ICAM1: variants seen among roughly 807,000 people sequenced by gnomAD.
The protein encoded by ICAM1 is intercellular adhesion molecule 1.
In ICAM1, 28 loss-of-function variants were observed where a neutral mutation model predicts 42.3. The ratio of observed to expected loss-of-function variants is 0.66; its 90% CI spans 0.49 to 0.91. The LOEUF (loss-of-function observed/expected upper bound fraction) is 0.91. Among genes scored for constraint, ICAM1 ranks in the 40% least tolerant of loss-of-function variants. ICAM1 has a pLI of 0.00. For synonymous variants in ICAM1, 304 were observed against 305.9 expected (o/e 0.99, Z 0.07); for missense variants, 637 against 688.6 (o/e 0.93, Z 0.84).
intron 2 of ICAM1, 95 bp downstream of exon 2, chr19:10,275,123 G>A (rs905606457): frequency 8.3e-6 from 11 of 1,319,346 alleles, no homozygotes; most frequent in Non-Finnish European, 1.2e-5. Flanking sequence ...TTTGCCACTT[G>A]CTCGTAGGGT....
At chr19:10,277,244 G>GTA in intron 2 of ICAM1, among the ~76,000 whole-genome samples, 1 of 151,470 alleles carries the variant, frequency 6.6e-6, no homozygotes, top group Non-Finnish European at 1.5e-5. Context: ...GCAATGGCAC[G>GTA]ATCTCAGCTC....
In ICAM1 at chr19:10,285,483, G is replaced by C; in HGVS notation, c.*196G>C. The C allele has an allele frequency of 3.4e-6, 2 of 589,988 alleles. No individual in the cohort carries two copies. The highest frequency in any genetic ancestry group is 2.1e-5 in the South Asian group (1 of 48,506). The allele number at this position is 589,988 out of a possible 1,614,324, so 36.5% of individuals were successfully genotyped here. Reference sequence around the variant, plus strand: ...CTGCACACCTAAAACACTAGGCCACGCATCTGATCTGTAGTCACATGACTA... The same window carrying C: ...CTGCACACCTAAAACACTAGGCCACCCATCTGATCTGTAGTCACATGACTA... On this transcript the variant is annotated 3_prime_UTR_variant, in exon 7 of 7. Coordinates refer to ENST00000264832, the MANE Select transcript of ICAM1 (RefSeq NM_000201.3).
chr19:10,285,063 A>G, intron 6 of ICAM1, 35 bp downstream of exon 6: 1 of 1,613,548 alleles, frequency 6.2e-7, no homozygotes, highest in East Asian at 2.2e-5. Flanking sequence ...GGGTGGGGGC[A>G]GGGGCCATGG....
chr19:10,279,762 G>A (rs1190632737), intron 2 of ICAM1, among the ~76,000 whole-genome samples: 1 of 152,016 alleles, frequency 6.6e-6, no homozygotes, highest in Non-Finnish European at 1.5e-5. Flanking sequence ...GGGATTATAG[G>A]TGTGAGCCAC....
Position 10,284,073 on chromosome 19 carries a change from C to T in ICAM1, c.678C>T (p.Val226=), listed in dbSNP as rs2040083117. ...ATPPQLVSPR[V]LEVDTQGTVV... ...CCCCACAACTTGTCAGCCCCCGGGT[C>T]CTAGAGGTGGACACGCAGGGGACCG... is the stretch of plus-strand genomic sequence containing the variant. Residue 226 remains valine (V), a synonymous_variant, in exon 4 of 7, where the codon GTC becomes GTT. Coordinates refer to ENST00000264832, the MANE Select transcript of ICAM1 (RefSeq NM_000201.3). The surrounding 1 kb of genome is among the most constrained non-coding windows in gnomAD (Gnocchi z 5.4). 5 of 1,614,072 alleles carry T rather than the reference C, an allele frequency of 3.1e-6. No homozygotes were observed. The highest frequency in any genetic ancestry group is 4.2e-6 in the Non-Finnish European group (5 of 1,180,002).
chr19:10,274,874 C>T lies in ICAM1; in HGVS notation c.177C>T (p.Gly59=), dbSNP rs1239738076. 1.2e-6 allele frequency: 2 copies of T among 1,614,118 alleles called. No homozygotes were observed. Among genetic ancestry groups the T allele is most frequent in the African/African-American group, 2.7e-5 (2 of 74,934 alleles). The change falls in exon 2 of 7, where the codon GGC becomes GGT. Residue 59 remains glycine (G), a synonymous_variant. Transcript: ENST00000264832. The part of the protein sequence containing the change: ...STSCDQPKLL[G]IETPLPKKEL... Reference sequence around the variant, plus strand: ...CCTGTGACCAGCCCAAGTTGTTGGGCATAGAGACCCCGTTGCCTAAAAAGG... The same window carrying T: ...CCTGTGACCAGCCCAAGTTGTTGGGTATAGAGACCCCGTTGCCTAAAAAGG...
chr19:10,279,872 A>T (rs2040043247), intron 2 of ICAM1, among the ~76,000 whole-genome samples: 2 of 152,128 alleles, frequency 1.3e-5, no homozygotes, highest in Admixed American at 6.6e-5. Context: ...CCCTAAAAAA[A>T]AAAAAAAAAT....
chr19:10,283,462 C>G lies in ICAM1; in HGVS notation c.332-19C>G. ...CAAGGTCCACTTCACCAGACACCCC[C>G]ACCTCTGTTTTCCTGCAGGGACTCC... On this transcript the variant is annotated intron_variant, in intron 2 of 6. Transcript: ENST00000264832. The G allele has an allele frequency of 6.5e-7, 1 of 1,530,692 alleles. No individual in the cohort carries two copies. Among genetic ancestry groups the G allele is most frequent in the Non-Finnish European group, 8.8e-7 (1 of 1,139,236 alleles). The allele number at this position is 1,530,692 out of a possible 1,614,324, so 94.8% of individuals were successfully genotyped here.
rs762041883 is a variant in ICAM1, at chr19:10,285,644, A to G, written c.*357A>G. The stretch of plus-strand genomic sequence containing the variant: ...TGGGAAATACTGAAACTTGCTGCCT[A>G]TTGGGTATGCTGAGGCCCCACAGAC... On this transcript the variant is annotated 3_prime_UTR_variant, in exon 7 of 7. Coordinates refer to ENST00000264832, the MANE Select transcript of ICAM1 (RefSeq NM_000201.3). 10 of 234,812 alleles carry G rather than the reference A, an allele frequency of 4.3e-5. No homozygotes were observed. The highest frequency in any genetic ancestry group is 6.7e-5 in the African/African-American group (3 of 44,568). 14.5% of individuals were successfully genotyped at this position (234,812 alleles called of 1,614,324 possible). A position where few individuals can be genotyped will look rare whatever the true frequency, so the allele number is the denominator to read the frequency against.
At position 10,272,399 on chromosome 19, in the gene ICAM1, T is replaced by C. The variant is rs79719974; in HGVS notation, c.67+1173T>C. Among the ~76,000 whole-genome samples the C allele has an allele frequency of 4.6e-3, 705 of 152,296 alleles. 5 individuals carry two copies. The highest frequency in any genetic ancestry group is 0.012 in the African/African-American group (491 of 41,576). On this transcript the variant is annotated intron_variant, in intron 1 of 6. Coordinates refer to ENST00000264832, the MANE Select transcript of ICAM1 (RefSeq NM_000201.3). ...CCCAGAATCTCCCTTGGAGAATGTA[T>C]GGAGCCAGTGTCCTCACACCCCCAT...
In ICAM1 at chr19:10,284,592, C is replaced by T. The variant is rs758965302; in HGVS notation, c.1115C>T (p.Ser372Phe). The stretch of plus-strand genomic sequence containing the variant: ...GACAACGGGCGCAGCTTCTCCTGCT[C>T]TGCAACCCTGGAGGTGGCCGGCCAG... Reference protein sequence around the residue: ...PEDNGRSFSCSATLEVAGQLI... With the variant: ...PEDNGRSFSCFATLEVAGQLI... Residue 372 changes from serine to phenylalanine, a missense_variant, in exon 5 of 7, where the codon TCT becomes TTT. Physicochemically the swap from Ser to Phe is radical, Grantham distance 155. Coordinates refer to ENST00000264832, the MANE Select transcript of ICAM1 (RefSeq NM_000201.3). This position sits in a 1 kb window ranked among gnomAD's most constrained non-coding sequence, Gnocchi z 5.4. 20 of 1,614,084 alleles carry T rather than the reference C, an allele frequency of 1.2e-5. No individual in the cohort carries two copies. The East Asian group carries it at 2.7e-4, about 22-fold the overall frequency.
At position 10,284,115 on chromosome 19, in the gene ICAM1, C is replaced by T. The variant is rs143689328; in HGVS notation, c.720C>T (p.Asp240=). 6.9e-5 allele frequency: 112 copies of T among 1,613,922 alleles called. No homozygotes were observed. Among genetic ancestry groups the T allele is most frequent in the South Asian group, 1.4e-4 (13 of 91,084 alleles). ...AGGGGACCGTGGTCTGTTCCCTGGA[C>T]GGGCTGTTCCCAGTCTCGGAGGCCC... is the stretch of plus-strand genomic sequence containing the variant. ...DTQGTVVCSL[D]GLFPVSEAQV... The change falls in exon 4 of 7, where the codon GAC becomes GAT. Residue 240 remains aspartate (D), a synonymous_variant. Coordinates refer to ENST00000264832, the MANE Select transcript of ICAM1 (RefSeq NM_000201.3). The surrounding 1 kb of genome is among the most constrained non-coding windows in gnomAD (Gnocchi z 5.4).
rs755398718 is a variant in ICAM1 at position 10,285,202 on chromosome 19, G to C, written c.1514G>C (p.Arg505Pro). The change falls in exon 7 of 7, where the codon CGC (arginine) becomes CCC (proline). Residue 505 changes from arginine to proline, a missense_variant. Transcript: ENST00000264832. ...GGCCTCAGCACGTACCTCTATAACC[G>C]CCAGCGGAAGATCAAGAAATACAGA... Reference protein sequence around the residue: ...TAGLSTYLYNRQRKIKKYRLQ... With the variant: ...TAGLSTYLYNPQRKIKKYRLQ... The C allele has an allele frequency of 7.4e-6, 12 of 1,614,002 alleles. No homozygotes were observed. The African/African-American group carries it at 1.5e-4, about 20-fold the overall frequency.
In ICAM1 at chr19:10,284,507, G is replaced by C; in HGVS notation, c.1030G>C (p.Gly344Arg). 6.2e-7 allele frequency: 1 copy of C among 1,614,098 alleles called. No homozygotes were observed. Among genetic ancestry groups the C allele is most frequent in the Non-Finnish European group, 8.5e-7 (1 of 1,180,016 alleles). The change falls in exon 5 of 7, where the codon GGG (glycine) becomes CGG (arginine). Residue 344 changes from glycine to arginine, a missense_variant. Coordinates refer to ENST00000264832, the MANE Select transcript of ICAM1 (RefSeq NM_000201.3). This position sits in a 1 kb window ranked among gnomAD's most constrained non-coding sequence, Gnocchi z 5.4. ...AHPRAKVTLN[G>R]VPAQPLGPRA... is the part of the protein sequence containing the mutation. ...CCCTAGAGCCAAGGTGACGCTGAAT[G>C]GGGTTCCAGCCCAGCCACTGGGCCC...
chr19:10,272,221 G>A (rs2039986716), intron 1 of ICAM1, among the ~76,000 whole-genome samples: 1 of 152,180 alleles, frequency 6.6e-6, no homozygotes, highest in South Asian at 2.1e-4. Context: ...CGAGGCTGAG[G>A]TTGCAGTGAA....
At position 10,271,271 on chromosome 19, in the gene ICAM1, C is replaced by T. The variant is rs778554750; in HGVS notation, c.67+45C>T. The T allele has an allele frequency of 5.2e-6, 8 of 1,553,070 alleles. No individual in the cohort carries two copies. In the Admixed American group the frequency reaches 1.4e-4, roughly 27 times the overall value. ...GCCGTCGGGCCAGTTCTCCGAAGCC[C>T]CGGGAGGACCGGCTCCCGGGTCAGG... On this transcript the variant is annotated intron_variant, in intron 1 of 6. Coordinates refer to ENST00000264832, the MANE Select transcript of ICAM1 (RefSeq NM_000201.3).
intron 2 of ICAM1, 124 bp from the exon 3 acceptor site, chr19:10,283,357 T>C: frequency 2.2e-6 from 2 of 892,616 alleles, no homozygotes; most frequent in South Asian, 3.6e-5. Context: ...CCTATCTGCT[T>C]AGGTGTCTGG....
chr19:10,280,915 C>T (rs1203772643), intron 2 of ICAM1, among the ~76,000 whole-genome samples: 4 of 138,010 alleles, frequency 2.9e-5, no homozygotes, highest in Non-Finnish European at 6.2e-5. Context: ...ACTCTGTCGC[C>T]CAGGCAGGAG....
At chr19:10,281,812 C>T (rs2040061677) in intron 2 of ICAM1, among the ~76,000 whole-genome samples, 1 of 147,858 alleles carries the variant, frequency 6.8e-6, no homozygotes, top group African/African-American at 2.5e-5. Context: ...TCACTGCAAT[C>T]TCTGCCTCCT....
Sources: allele counts gnomAD v4.1 joint callset (sites outside exome capture counted in the v4.1 genomes callset), GRCh38; gene constraint gnomAD v4.1.1; non-coding constraint Gnocchi (gnomAD v3.1); transcripts MANE v1.5; gene names NCBI Gene and HGNC (gene_info 2026-07-23, HGNC 2026-07-21).